Variants in ACAP2 observed in about 807,000 individuals in gnomAD.
ACAP2 encodes arf-GAP with coiled-coil, ANK repeat and PH domain-containing protein 2.
Under a neutral mutation model 115.8 loss-of-function variants are expected in ACAP2, and 39 were observed. The ratio of observed to expected loss-of-function variants is 0.34; its 90% CI spans 0.26 to 0.44. The LOEUF (loss-of-function observed/expected upper bound fraction) is 0.44. ACAP2 is among the 20% of genes least tolerant of loss of function. ACAP2 has a pLI of 1.00. For synonymous variants in ACAP2, 289 were observed against 315.8 expected (o/e 0.92, Z 0.90); for missense variants, 662 against 927.6 (o/e 0.71, Z 3.72).
intron 22 of ACAP2, among the ~76,000 whole-genome samples, chr3:195,280,391 G>A (rs556364100): frequency 2.1e-4 from 32 of 152,124 alleles, no homozygotes; most frequent in Non-Finnish European, 2.8e-4. Context: ...AGAATCGCTT[G>A]AACCCGGGAG....
At chr3:195,405,417 T>C (rs1446975546) in intron 1 of ACAP2, among the ~76,000 whole-genome samples, 2 of 152,212 alleles carry the variant, frequency 1.3e-5, no homozygotes, top group Admixed American at 6.5e-5. Flanking sequence ...TCTGGTACGG[T>C]GGCTCACGCC....
chr3:195,380,168 A>G (rs929759561), intron 4 of ACAP2, among the ~76,000 whole-genome samples: 1 of 152,186 alleles, frequency 6.6e-6, no homozygotes, highest in Non-Finnish European at 1.5e-5. Context: ...GAAAACAGGC[A>G]CTCAAGCAGA....
rs201392481 is a variant in ACAP2, at chr3:195,393,887, G to C, written c.54-1740C>G. Among the ~76,000 whole-genome samples the C allele has an allele frequency of 4.5e-4, 62 of 136,624 alleles. 1 individual carries two copies. The East Asian group carries it at 6.6e-3, about 14-fold the overall frequency. 89.6% of individuals were successfully genotyped at this position (136,624 alleles called of 152,430 possible). On this transcript the variant is annotated intron_variant, in intron 1 of 22. Transcript: ENST00000326793. ...TGCACAGGATAGAGTATTATATTGG[G>C]GGGGGGGGAAGCAAGCTACAAAATT...
chr3:195,289,582 C>T (rs1233392460), intron 20 of ACAP2, among the ~76,000 whole-genome samples: 2 of 151,660 alleles, frequency 1.3e-5, no homozygotes, highest in Non-Finnish European at 2.9e-5. Flanking sequence ...GTGCGGATCA[C>T]AAAGTCAGGA....
In ACAP2 at chr3:195,333,660, G is replaced by A. The variant is rs746921519; in HGVS notation, c.574-537C>T. 4.4e-4 allele frequency among the ~76,000 whole-genome samples: 67 copies of A among 152,200 alleles called. 1 individual carries two copies. The highest frequency in any genetic ancestry group is 7.5e-4 in the Non-Finnish European group (51 of 68,016). On this transcript the variant is annotated intron_variant, in intron 7 of 22. Coordinates refer to ENST00000326793, the MANE Select transcript of ACAP2 (RefSeq NM_012287.6). ...ATTTTAGTTGTTTAGACTATATCTA[G>A]GTGATCAAAATGTATACAGCAGATT...
At chr3:195,442,752 G>A (rs1299544010) in intron 1 of ACAP2, 43 bp downstream of exon 1, 1 of 1,524,746 alleles carries the variant, frequency 6.6e-7, no homozygotes, top group Non-Finnish European at 8.8e-7. Flanking sequence ...CCCAGCGCCG[G>A]GAAGGCAGCT....
At chr3:195,438,173 C>T (rs1715711727) in intron 1 of ACAP2, among the ~76,000 whole-genome samples, 2 of 151,114 alleles carry the variant, frequency 1.3e-5, no homozygotes, top group Admixed American at 1.3e-4. Flanking sequence ...TTACAGGTGC[C>T]CACCATCACG....
intron 5 of ACAP2, among the ~76,000 whole-genome samples, chr3:195,343,451 A>G (rs1348917874): frequency 6.6e-6 from 1 of 152,110 alleles, no homozygotes; most frequent in African/African-American, 2.4e-5. Flanking sequence ...TACAGATCAC[A>G]CTCTAAGAAA....
In ACAP2 at chr3:195,314,196, G is replaced by GTTT. The variant is rs751897649; in HGVS notation, c.858-5360_858-5359insAAA. ...ACATTTCCCTGAGGAAGAAAATTTTGTTGTTTTTTTTTTTTTTAATTTTTG... is the reference window on the plus strand; with the variant it reads ...ACATTTCCCTGAGGAAGAAAATTTTGTTTTTGTTTTTTTTTTTTTTAATTTTTG... On this transcript the variant is annotated intron_variant, in intron 10 of 22. Transcript: ENST00000326793. Among the ~76,000 whole-genome samples the GTTT allele has an allele frequency of 2.7e-4, 30 of 112,194 alleles. 1 individual carries two copies. Among genetic ancestry groups the GTTT allele is most frequent in the African/African-American group, 9.6e-4 (27 of 28,236 alleles). The allele number at this position is 112,194 out of a possible 152,430, so 73.6% of individuals were successfully genotyped here. A position where few individuals can be genotyped will look rare whatever the true frequency, so the allele number is the denominator to read the frequency against.
At chr3:195,395,733 T>C (rs922004431) in intron 1 of ACAP2, among the ~76,000 whole-genome samples, 6 of 152,120 alleles carry the variant, frequency 3.9e-5, no homozygotes, top group African/African-American at 1.4e-4. Context: ...ATTAAGAATG[T>C]CAAATATAAG....
At chr3:195,326,852 T>C in intron 9 of ACAP2, 33 bp downstream of exon 9, 5 of 1,590,406 alleles carry the variant, frequency 3.1e-6, no homozygotes, top group Non-Finnish European at 4.3e-6. Flanking sequence ...TTGTATAAAG[T>C]GGAATTAATT....
intron 18 of ACAP2, 122 bp downstream of exon 18, chr3:195,294,592 GAAAAA>G: frequency 2.0e-5 from 1 of 49,238 alleles, no homozygotes; most frequent in East Asian, 6.1e-4. Context: ...AAAAAAAGAA[GAAAAA>G]AAAAAAAAAA....
At chr3:195,354,394 A>G (rs1051053765) in intron 4 of ACAP2, among the ~76,000 whole-genome samples, 1 of 152,196 alleles carries the variant, frequency 6.6e-6, no homozygotes, top group Admixed American at 6.5e-5. Flanking sequence ...GAGATGGTAT[A>G]TCTCATTGTG....
chr3:195,314,237 C>T lies in ACAP2; in HGVS notation c.858-5400G>A, dbSNP rs75840799. 4.1e-3 allele frequency among the ~76,000 whole-genome samples: 609 copies of T among 149,366 alleles called. 2 individuals are homozygous for T. Among genetic ancestry groups the T allele is most frequent in the Non-Finnish European group, 5.3e-3 (361 of 67,640 alleles). On this transcript the variant is annotated intron_variant, in intron 10 of 22. Coordinates refer to ENST00000326793, the MANE Select transcript of ACAP2 (RefSeq NM_012287.6). ...TTAATTTTTGTGGGTACATAGTAAG[C>T]GTATCTTATTTATGGGAGAAAGAAG...
Position 195,320,704 on chromosome 3 carries a change from T to C in ACAP2, c.854A>G (p.Asn285Ser). Residue 285 changes from asparagine (N) to serine (S), a missense_variant, in exon 10 of 23, where the codon AAC becomes AGC. By Grantham distance (46) the Asn-to-Ser change is conservative (BLOSUM62 1). Coordinates refer to ENST00000326793, the MANE Select transcript of ACAP2 (RefSeq NM_012287.6). ...ACTAGTATTTGAAATATATTACCTG[T>C]TCCAAGTTTTGAAGGCATTGCTGGC... ...KRASNAFKTWNRRWFSIQNNQ... is the reference protein window; with the variant it reads ...KRASNAFKTWSRRWFSIQNNQ... 2.5e-6 allele frequency: 4 copies of C among 1,610,088 alleles called. No homozygotes were observed. The South Asian group carries it at 4.4e-5, about 18-fold the overall frequency.
chr3:195,330,943 G>A (rs1730124953), intron 8 of ACAP2, among the ~76,000 whole-genome samples: 1 of 152,186 alleles, frequency 6.6e-6, no homozygotes, highest in African/African-American at 2.4e-5. Flanking sequence ...TTTGAACCAT[G>A]AGGTAGAATC....
At chr3:195,323,148 G>C (rs1729558974) in intron 9 of ACAP2, among the ~76,000 whole-genome samples, 2 of 152,248 alleles carry the variant, frequency 1.3e-5, no homozygotes, top group Admixed American at 6.5e-5. Flanking sequence ...GAATCTAATA[G>C]AAACTTTCCC....
At chr3:195,292,164 A>G in intron 19 of ACAP2, 101 bp downstream of exon 19, 15 of 1,363,716 alleles carry the variant, frequency 1.1e-5, no homozygotes, top group Non-Finnish European at 1.4e-5. Context: ...TTTCTAACCC[A>G]TCTCTTGAAG....
intron 22 of ACAP2, chr3:195,279,856 T>A (rs1726374336): frequency 6.6e-6 from 1 of 152,572 alleles, no homozygotes; most frequent in African/African-American, 2.4e-5. Context: ...TGCAAGTTAT[T>A]AACAAGACAA....
Sources: allele counts gnomAD v4.1 joint callset (sites outside exome capture counted in the v4.1 genomes callset), GRCh38; gene constraint gnomAD v4.1.1; transcripts MANE v1.5; gene names NCBI Gene and HGNC (gene_info 2026-07-23, HGNC 2026-07-21).